Variants in SLC39A8 observed in about 807,000 individuals in gnomAD.
SLC39A8 encodes solute carrier family 39 member 8.
Under a neutral mutation model 40.4 loss-of-function variants are expected in SLC39A8, and 15 were observed. The ratio of observed to expected loss-of-function variants is 0.37; its 90% CI spans 0.25 to 0.57. The LOEUF (loss-of-function observed/expected upper bound fraction) is 0.57, where lower values mean the gene tolerates loss of function less well. Among genes scored for constraint, SLC39A8 ranks in the 20% least tolerant of loss-of-function variants. The pLI is 0.75. For missense variants in SLC39A8, 472 were observed against 558.8 expected, an observed-to-expected ratio of 0.84 and a Z score of 1.57; for synonymous variants, 223 against 221.6, an observed-to-expected ratio of 1.01 and a Z score of -0.06.
At chr4:102,268,191 C>G (rs1732192156) in intron 6 of SLC39A8, 112 bp from the exon 7 acceptor site, 3 of 1,074,990 alleles carry the variant, frequency 2.8e-6, no homozygotes, top group Non-Finnish European at 4.1e-6. Context: ...AACAGAAAGT[C>G]TTTTAGAGTA....
rs148538295 is a variant in SLC39A8, at chr4:102,263,137, G to T, written c.1290C>A (p.Phe430Leu). 1.5e-5 allele frequency: 24 copies of T among 1,613,700 alleles called. No individual in the cohort carries two copies. Among genetic ancestry groups the T allele is most frequent in the Non-Finnish European group, 1.9e-5 (23 of 1,179,782 alleles). ...REKVTGRKTD[F>L]TFFMIQNAGM... The stretch of plus-strand genomic sequence containing the variant: ...CAGCATTCTGAATCATGAAGAAGGT[G>T]AAATCGGTTTTTCTTCCAGTTACCT... Residue 430 changes from phenylalanine (F) to leucine (L), a missense_variant, in exon 9 of 9, where the codon TTC becomes TTA. Coordinates refer to ENST00000356736, the MANE Select transcript of SLC39A8 (RefSeq NM_001135146.2).
intron 3 of SLC39A8, among the ~76,000 whole-genome samples, chr4:102,311,717 C>T (rs1006811146): frequency 6.6e-6 from 1 of 152,026 alleles, no homozygotes; most frequent in African/African-American, 2.4e-5. Flanking sequence ...TTATAAAGCA[C>T]ATGAAATACT....
In SLC39A8 at chr4:102,262,793, A is replaced by G. The variant is rs906885218; in HGVS notation, c.*251T>C. On this transcript the variant is annotated 3_prime_UTR_variant, in exon 9 of 9. Coordinates refer to ENST00000356736, the MANE Select transcript of SLC39A8 (RefSeq NM_001135146.2). ...TGGTGATATCTAATATGCATGGAAT[A>G]CTGAAAAATAGGTATTTCCCAAAGG... 1 of 1,219,912 alleles carries G rather than the reference A, an allele frequency of 8.2e-7. No individual in the cohort carries two copies. The highest frequency in any genetic ancestry group is 1.6e-5 in the African/African-American group (1 of 63,900). 75.6% of individuals were successfully genotyped at this position (1,219,912 alleles called of 1,614,324 possible). A position where few individuals can be genotyped will look rare whatever the true frequency, so the allele number is the denominator to read the frequency against.
intron 5 of SLC39A8, among the ~76,000 whole-genome samples, chr4:102,304,737 A>T (rs1163700827): frequency 6.6e-6 from 1 of 151,830 alleles, no homozygotes. Context: ...AATATGAATT[A>T]TGCACATCTG....
chr4:102,318,289 T>C (rs1454727662), intron 2 of SLC39A8, among the ~76,000 whole-genome samples: 2 of 152,142 alleles, frequency 1.3e-5, no homozygotes, highest in African/African-American at 2.4e-5. Flanking sequence ...ACGGTAGTCA[T>C]GGAGAGTGGC....
chr4:102,259,444 G>T, downstream of SLC39A8: 1 of 1,527,134 alleles, frequency 6.5e-7, no homozygotes. Flanking sequence ...ATTGTTCCTT[G>T]TTATTCTTAC....
intron 4 of SLC39A8, among the ~76,000 whole-genome samples, chr4:102,306,999 G>A (rs561425046): frequency 7.4e-4 from 113 of 152,032 alleles, no homozygotes; most frequent in African/African-American, 2.6e-3. Context: ...ACTTATAACT[G>A]TAGTAAATAT....
At chr4:102,311,497 C>G (rs1734423581) in intron 3 of SLC39A8, among the ~76,000 whole-genome samples, 1 of 152,078 alleles carries the variant, frequency 6.6e-6, no homozygotes, top group Admixed American at 6.6e-5. Context: ...ACTTACATCA[C>G]TAGTTGTATT....
intron 2 of SLC39A8, among the ~76,000 whole-genome samples, chr4:102,320,221 ATG>A: frequency 1.5e-5 from 2 of 137,878 alleles, no homozygotes; most frequent in African/African-American, 2.7e-5. Context: ...ATATGTATAT[ATG>A]TATGAGTATA....
chr4:102,320,735 T>A (rs967842778), intron 2 of SLC39A8, among the ~76,000 whole-genome samples: 1 of 124,182 alleles, frequency 8.1e-6, no homozygotes, highest in Non-Finnish European at 1.7e-5. Context: ...AGTATATATA[T>A]ATGAGAATAT....
At chr4:102,304,583 G>T (rs1204147724) in intron 5 of SLC39A8, 102 bp from the exon 6 acceptor site, 6 of 896,868 alleles carry the variant, frequency 6.7e-6, no homozygotes, top group Non-Finnish European at 1.0e-5. Flanking sequence ...GAGGAAAATT[G>T]TATGTCTATT....
In SLC39A8 at chr4:102,262,878, C is replaced by T. The variant is rs1007033624; in HGVS notation, c.*166G>A. ...AAACCTTTTGAAGCATTTTTAACAACAAATAATGGACTATTTCACAGACTG... is the reference window on the plus strand; with the variant it reads ...AAACCTTTTGAAGCATTTTTAACAATAAATAATGGACTATTTCACAGACTG... On this transcript the variant is annotated 3_prime_UTR_variant, in exon 9 of 9. Transcript: ENST00000356736. 363 of 1,374,018 alleles carry T rather than the reference C, an allele frequency of 2.6e-4. 1 individual carries two copies. In the Middle Eastern group the frequency reaches 3.0e-3, roughly 11 times the overall value. 85.1% of individuals were successfully genotyped at this position (1,374,018 alleles called of 1,614,324 possible). A position where few individuals can be genotyped will look rare whatever the true frequency, so the allele number is the denominator to read the frequency against.
chr4:102,332,622 T>C (rs573585707), intron 2 of SLC39A8, among the ~76,000 whole-genome samples: 1 of 152,250 alleles, frequency 6.6e-6, no homozygotes, highest in East Asian at 1.9e-4. Context: ...CTCAAGGATC[T>C]AGAACCAGAA....
chr4:102,317,870 C>T (rs1399654084), intron 2 of SLC39A8, among the ~76,000 whole-genome samples: 1 of 152,168 alleles, frequency 6.6e-6, no homozygotes, highest in Non-Finnish European at 1.5e-5. Context: ...CTTTTTCAGA[C>T]TCAAATTGTA....
intron 6 of SLC39A8, among the ~76,000 whole-genome samples, chr4:102,294,609 C>T (rs1221319601): frequency 6.6e-6 from 1 of 151,936 alleles, no homozygotes; most frequent in Non-Finnish European, 1.5e-5. Context: ...CTATAAATGC[C>T]AACCTGTCTT....
chr4:102,259,382 A>G, downstream of SLC39A8: 2 of 1,049,834 alleles, frequency 1.9e-6, no homozygotes, highest in Non-Finnish European at 1.4e-6. Flanking sequence ...GTCACTGCAG[A>G]AGGAATTAAG....
intron 2 of SLC39A8, among the ~76,000 whole-genome samples, chr4:102,318,657 T>C (rs1734765346): frequency 6.6e-6 from 1 of 152,034 alleles, no homozygotes; most frequent in African/African-American, 2.4e-5. Context: ...GGTTATACCA[T>C]GGACAAGGAG....
At chr4:102,329,793 C>T (rs749475215) in intron 2 of SLC39A8, among the ~76,000 whole-genome samples, 2 of 152,094 alleles carry the variant, frequency 1.3e-5, no homozygotes, top group Non-Finnish European at 2.9e-5. Context: ...AAACACTCCT[C>T]AGTAAATGCA....
intron 6 of SLC39A8, among the ~76,000 whole-genome samples, chr4:102,287,412 G>T (rs1733231665): frequency 6.6e-6 from 1 of 152,110 alleles, no homozygotes; most frequent in South Asian, 2.1e-4. Context: ...CACTTAAGTT[G>T]CTGTTCTGCC....
Sources: allele counts gnomAD v4.1 joint callset (sites outside exome capture counted in the v4.1 genomes callset), GRCh38; gene constraint gnomAD v4.1.1; transcripts MANE v1.5; gene names NCBI Gene and HGNC (gene_info 2026-07-23, HGNC 2026-07-21).